DLL1: variants seen among roughly 807,000 people sequenced by gnomAD.
DLL1 encodes the protein delta like canonical Notch ligand 1.
DLL1 carries 9 observed loss-of-function variants against 75.1 expected under a neutral mutation model. The observed-to-expected ratio is 0.12, with a 90% CI of 0.07 to 0.21. The LOEUF (loss-of-function observed/expected upper bound fraction) is 0.21, where lower values mean the gene tolerates loss of function less well. DLL1 is among the 10% of genes least tolerant of loss of function. DLL1 has a pLI of 1.00. For missense variants in DLL1, 837 were observed against 1,007.6 expected, an observed-to-expected ratio of 0.83 and a Z score of 2.29; for synonymous variants, 477 against 418.3, an observed-to-expected ratio of 1.14 and a Z score of -1.71.
At chr6:170,289,209 G>A (rs1444005035) in intron 2 of DLL1, 4 of 651,246 alleles carry the variant, frequency 6.1e-6, no homozygotes, top group East Asian at 3.0e-5. Context: ...ACCTTCCCAC[G>A]TGAAGGGGCG....
chr6:170,286,742 C>G (rs922371335), intron 4 of DLL1, among the ~76,000 whole-genome samples: 2 of 152,082 alleles, frequency 1.3e-5, no homozygotes, highest in Non-Finnish European at 2.9e-5. Flanking sequence ...TGCCCCAGCG[C>G]AACAATGCCG....
Position 170,290,800 on chromosome 6 carries a change from C to T in DLL1, c.-661G>A. 3.5e-6 allele frequency: 2 copies of T among 579,188 alleles called. No individual in the cohort carries two copies. The highest frequency in any genetic ancestry group is 6.1e-6 in the Non-Finnish European group (2 of 325,912). 35.9% of individuals were successfully genotyped at this position (579,188 alleles called of 1,614,324 possible). On this transcript the variant is annotated 5_prime_UTR_variant, in exon 1 of 11. An upstream start codon of the reference 5' UTR is lost. Coordinates refer to ENST00000366756, the MANE Select transcript of DLL1 (RefSeq NM_005618.4). The surrounding 1 kb of genome is among the most constrained non-coding windows in gnomAD (Gnocchi z 4.7). ...TCTTTCCGATGAATCCAGCCAATGC[C>T]ATCCAGTACACACGCGCAGGACCGG... is the stretch of plus-strand genomic sequence containing the variant.
intron 6 of DLL1, 33 bp from the exon 7 acceptor site, chr6:170,285,456 T>C (rs766844362): frequency 8.1e-6 from 13 of 1,613,966 alleles, no homozygotes; most frequent in African/African-American, 2.7e-5. Flanking sequence ...AAGTAGGAGA[T>C]AGGAAGCTCG....
chr6:170,287,505 G>C (rs989033717), intron 4 of DLL1, among the ~76,000 whole-genome samples: 1 of 152,218 alleles, frequency 6.6e-6, no homozygotes, highest in Non-Finnish European at 1.5e-5. Flanking sequence ...CCAGGAGCCA[G>C]CACGGCCCCA....
At position 170,283,299 on chromosome 6, in the gene DLL1, C is replaced by A. The variant is rs1416378169; in HGVS notation, c.1980G>T (p.Lys660Asn). The A allele has an allele frequency of 1.9e-6, 3 of 1,613,316 alleles. No homozygotes were observed. In the South Asian group the frequency reaches 3.3e-5, roughly 18 times the overall value. Residue 660 changes from lysine (K) to asparagine (N), a missense_variant, in exon 9 of 11, where the codon AAG (lysine) becomes AAT (asparagine). Physicochemically the swap from Lys to Asn is moderately conservative, Grantham distance 94 (BLOSUM62 0). Around this residue, in one of 2 missense-constraint regions of DLL1, gnomAD observed 533 missense variants for 545.7 expected, o/e 0.98. Transcript: ENST00000366756. ...CCTGGGGCTGGCACTTGGTGTCACG[C>A]TTGCTGTGCGCGTCCCTGACGGCGG... is the stretch of plus-strand genomic sequence containing the variant. ...DDTAVRDAHS[K>N]RDTKCQPQGS... is the part of the protein sequence containing the mutation.
rs1783757898 is a variant in DLL1, at chr6:170,288,509, G to T, written c.413-13C>A. 1 of 1,614,110 alleles carries T rather than the reference G, an allele frequency of 6.2e-7. No individual in the cohort carries two copies. ...CTTTCTGGGTTTTCTACGGGGAGAA[G>T]ATGCTCCTGGTTGGTTCTGAACGAG... On this transcript the variant is annotated splice_polypyrimidine_tract_variant and intron_variant, in intron 3 of 10. Coordinates refer to ENST00000366756, the MANE Select transcript of DLL1 (RefSeq NM_005618.4).
Position 170,282,899 on chromosome 6 carries a change from A to T in DLL1, c.2167-20T>A. ...TTACACCTGGGGGGCCACAAGACAAATGGGAAGTTAGCCTGAGACCGATTC... is the reference window on the plus strand; with the variant it reads ...TTACACCTGGGGGGCCACAAGACAATTGGGAAGTTAGCCTGAGACCGATTC... On this transcript the variant is annotated intron_variant, in intron 10 of 10. Coordinates refer to ENST00000366756, the MANE Select transcript of DLL1 (RefSeq NM_005618.4). 5 of 1,614,186 alleles carry T rather than the reference A, an allele frequency of 3.1e-6. No homozygotes were observed. Among genetic ancestry groups the T allele is most frequent in the Non-Finnish European group, 3.4e-6 (4 of 1,180,034 alleles).
Position 170,284,944 on chromosome 6 carries a change from G to A in DLL1, c.1224C>T (p.Tyr408=), listed in dbSNP as rs1783660897. ...SGFNCEKKID[Y]CSSSPCSNGA... ...CATTAGAACAGGGTGAAGAGCTGCA[G>A]TAGTCAATTTTCTTCTCACAGTTGA... The change falls in exon 8 of 11, where the codon TAC becomes TAT. Residue 408 remains tyrosine (Y), a synonymous_variant. Coordinates refer to ENST00000366756, the MANE Select transcript of DLL1 (RefSeq NM_005618.4). 3.7e-6 allele frequency: 6 copies of A among 1,613,924 alleles called. No homozygotes were observed. The highest frequency in any genetic ancestry group is 1.1e-5 in the South Asian group (1 of 91,080).
rs762016479 is a variant in DLL1 at position 170,283,979 on chromosome 6, C to T, written c.1300G>A (p.Gly434Ser). The T allele has an allele frequency of 1.7e-5, 27 of 1,585,786 alleles. No homozygotes were observed. The highest frequency in any genetic ancestry group is 5.4e-5 in the African/African-American group (4 of 74,364). Residue 434 changes from glycine (G) to serine (S), a missense_variant, in exon 9 of 11, where the codon GGC becomes AGC. Transcript: ENST00000366756. ...TCGTCACAGTGCCTCCCCGAGAAGC[C>T]GGCCTGGCAGCGGCACAGGTAGGCA... is the stretch of plus-strand genomic sequence containing the variant. ...GDAYLCRCQAGFSGRHCDDNV... is the reference protein window; with the variant it reads ...GDAYLCRCQASFSGRHCDDNV...
At chr6:170,287,038 A>G (rs1422424924) in intron 4 of DLL1, among the ~76,000 whole-genome samples, 1 of 152,224 alleles carries the variant, frequency 6.6e-6, no homozygotes, top group Non-Finnish European at 1.5e-5. Flanking sequence ...CAGGGCAGGG[A>G]GTAGACAGTG....
In DLL1 at chr6:170,283,891, T is replaced by C. The variant is rs1330856023; in HGVS notation, c.1388A>G (p.Asn463Ser). The C allele has an allele frequency of 1.2e-6, 2 of 1,606,720 alleles. No homozygotes were observed. Among genetic ancestry groups the C allele is most frequent in the Non-Finnish European group, 1.7e-6 (2 of 1,179,360 alleles). ...AGGCGGGCAGGTGCAGGAGAAGTCG[T>C]TCACGCCATCCCGGCAGGTGCCCCC... ...ANGGTCRDGV[N>S]DFSCTCPPGY... The change falls in exon 9 of 11, where the codon AAC becomes AGC. Residue 463 changes from asparagine to serine, a missense_variant. Coordinates refer to ENST00000366756, the MANE Select transcript of DLL1 (RefSeq NM_005618.4).
rs1783611175 is a variant in DLL1, at chr6:170,283,337, T to C, written c.1942A>G (p.Lys648Glu). 1 of 1,612,478 alleles carries C rather than the reference T, an allele frequency of 6.2e-7. No individual in the cohort carries two copies. Among genetic ancestry groups the C allele is most frequent in the Non-Finnish European group, 8.5e-7 (1 of 1,179,586 alleles). Residue 648 changes from lysine to glutamate, a missense_variant, in exon 9 of 11, where the codon AAG becomes GAG. By Grantham distance (56) the Lys-to-Glu change is moderately conservative. Transcript: ENST00000366756. ...AVDYNLVQDL[K>E]GDDTAVRDAH... Reference sequence around the variant, plus strand: ...TCCCTGACGGCGGTGTCGTCACCCTTGAGGTCCTGCACGAGGTTATAGTCC... The same window carrying C: ...TCCCTGACGGCGGTGTCGTCACCCTCGAGGTCCTGCACGAGGTTATAGTCC...
intron 4 of DLL1, 33 bp downstream of exon 4, chr6:170,288,206 G>T (rs779591342): frequency 1.4e-5 from 22 of 1,613,412 alleles, no homozygotes; most frequent in Non-Finnish European, 1.9e-5. Context: ...GTTCGTGGAC[G>T]AGTGAGCCAG....
chr6:170,287,619 A>G (rs1237713402), intron 4 of DLL1, among the ~76,000 whole-genome samples: 1 of 152,208 alleles, frequency 6.6e-6, no homozygotes, highest in African/African-American at 2.4e-5. Context: ...TTCTCCAGAC[A>G]AGGTGCTGCC....
intron 8 of DLL1, 114 bp from the exon 9 acceptor site, chr6:170,284,143 T>C: frequency 1.4e-6 from 2 of 1,400,554 alleles, no homozygotes; most frequent in Non-Finnish European, 1.9e-6. Flanking sequence ...CCAAAGACAG[T>C]CTGTGGCCTG....
At position 170,283,611 on chromosome 6, in the gene DLL1, G is replaced by T; in HGVS notation, c.1668C>A (p.Leu556=). The change falls in exon 9 of 11, where the codon CTC becomes CTA. Residue 556 remains leucine (L), a synonymous_variant. Coordinates refer to ENST00000366756, the MANE Select transcript of DLL1 (RefSeq NM_005618.4). ...CAGCGGCACAGCCCAGCAGCAGCAT[G>T]AGGACAAGGATGACCCCGGCGCACA... ...VAVCAGVILV[L]MLLLGCAAVV... 1 of 1,611,398 alleles carries T rather than the reference G, an allele frequency of 6.2e-7. No homozygotes were observed. Among genetic ancestry groups the T allele is most frequent in the South Asian group, 1.1e-5 (1 of 91,018 alleles).
chr6:170,283,038 A>C lies in DLL1; in HGVS notation c.2116T>G (p.Ser706Ala), dbSNP rs1783595866. ...TTCTCCTCGGATATGACGTACACCG[A>C]CTGGTACTTGGTGTCTTTTGAAGTT... Reference protein sequence around the residue: ...CSTSKDTKYQSVYVISEEKDE... With the variant: ...CSTSKDTKYQAVYVISEEKDE... Residue 706 changes from serine (S) to alanine (A), a missense_variant, in exon 10 of 11, where the codon TCG becomes GCG. Ser to Ala is a moderately conservative substitution (Grantham distance 99, BLOSUM62 1). Coordinates refer to ENST00000366756, the MANE Select transcript of DLL1 (RefSeq NM_005618.4). 1 of 1,614,000 alleles carries C rather than the reference A, an allele frequency of 6.2e-7. No individual in the cohort carries two copies. Among genetic ancestry groups the C allele is most frequent in the African/African-American group, 1.3e-5 (1 of 74,924 alleles).
rs993647390 is a variant in DLL1, at chr6:170,289,999, G to A, written c.54+87C>T. ...CGTGGCTGGCGCGGCCCGTGCCGCT[G>A]TCCGCCCCTCCCCGCGCGCTCCTGC... On this transcript the variant is annotated intron_variant, in intron 1 of 10. Transcript: ENST00000366756. The A allele has an allele frequency of 1.3e-5, 17 of 1,359,426 alleles. No homozygotes were observed. The African/African-American group carries it at 2.3e-4, about 19-fold the overall frequency. The allele number at this position is 1,359,426 out of a possible 1,614,324, so 84.2% of individuals were successfully genotyped here.
At chr6:170,287,050 G>A (rs1783717628) in intron 4 of DLL1, among the ~76,000 whole-genome samples, 1 of 152,252 alleles carries the variant, frequency 6.6e-6, no homozygotes, top group South Asian at 2.1e-4. Context: ...TAGACAGTGG[G>A]CTTGAGGCTT....
Sources: allele counts gnomAD v4.1 joint callset (sites outside exome capture counted in the v4.1 genomes callset), GRCh38; gene constraint gnomAD v4.1.1; regional missense constraint gnomAD v4.1.1; non-coding constraint Gnocchi (gnomAD v3.1); transcripts MANE v1.5; gene names NCBI Gene and HGNC (gene_info 2026-07-23, HGNC 2026-07-21).